The following TRIB2 variants were observed in gnomAD, a reference collection of about 807,000 sequenced individuals.
The protein encoded by TRIB2 is tribbles pseudokinase 2.
TRIB2 carries 2 observed loss-of-function variants against 26.8 expected under a neutral mutation model. That is an observed-to-expected ratio of 0.07 (90% CI 0.03 to 0.24). The LOEUF (loss-of-function observed/expected upper bound fraction) is 0.24, where lower values mean the gene tolerates loss of function less well. Among genes scored for constraint, TRIB2 ranks in the 10% least tolerant of loss-of-function variants. The pLI is 1.00. For synonymous variants in TRIB2, 189 were observed against 187.3 expected (o/e 1.01, Z -0.08); for missense variants, 306 against 449.0 (o/e 0.68, Z 2.88).
At chr2:12,736,788 A>G (rs959042167) in intron 2 of TRIB2, among the ~76,000 whole-genome samples, 2 of 152,236 alleles carry the variant, frequency 1.3e-5, no homozygotes, top group African/African-American at 4.8e-5. Context: ...AAGTGAGGTG[A>G]TCATCCCAAA....
In TRIB2 at chr2:12,742,314, G is replaced by T. The variant is rs1267985081; in HGVS notation, c.*1520G>T. On this transcript the variant is annotated 3_prime_UTR_variant, in exon 3 of 3. Coordinates refer to ENST00000155926, the MANE Select transcript of TRIB2 (RefSeq NM_021643.4). ...CCTGTTTTTGGGTAGGTGACACGTGGACTCTAGTATGTAAATGTTACTTGA... is the reference window on the plus strand; with the variant it reads ...CCTGTTTTTGGGTAGGTGACACGTGTACTCTAGTATGTAAATGTTACTTGA... The T allele has an allele frequency of 1.3e-5, 2 of 152,602 alleles. No individual in the cohort carries two copies. Among genetic ancestry groups the T allele is most frequent in the Non-Finnish European group, 2.9e-5 (2 of 68,038 alleles). 9.5% of individuals were successfully genotyped at this position (152,602 alleles called of 1,614,324 possible).
chr2:12,730,648 G>A (rs1661433303), intron 2 of TRIB2, among the ~76,000 whole-genome samples: 1 of 152,112 alleles, frequency 6.6e-6, no homozygotes, highest in Admixed American at 6.6e-5. Context: ...TATACAATGG[G>A]CTTCATTTCT....
chr2:12,736,346 G>C (rs1474958188), intron 2 of TRIB2, among the ~76,000 whole-genome samples: 1 of 152,126 alleles, frequency 6.6e-6, no homozygotes, highest in Non-Finnish European at 1.5e-5. Context: ...ATGGTCGAGA[G>C]TCCCTTGCAC....
At position 12,732,202 on chromosome 2, in the gene TRIB2, A is replaced by G. The variant is rs759244628; in HGVS notation, c.564-8124A>G. 2.0e-5 allele frequency among the ~76,000 whole-genome samples: 3 copies of G among 152,078 alleles called. No individual in the cohort carries two copies. The highest frequency in any genetic ancestry group is 4.4e-5 in the Non-Finnish European group (3 of 68,024). On this transcript the variant is annotated intron_variant, in intron 2 of 2. Transcript: ENST00000155926. This position sits in a 1 kb window ranked among gnomAD's most constrained non-coding sequence, Gnocchi z 4.2. ...TCCCCTGTTCATCCAGGCACCATGGATGGGAGTCGGGCAGGAATGTGCACC... is the reference window on the plus strand; with the variant it reads ...TCCCCTGTTCATCCAGGCACCATGGGTGGGAGTCGGGCAGGAATGTGCACC...
chr2:12,739,992 G>A (rs1359934580), intron 2 of TRIB2, among the ~76,000 whole-genome samples: 2 of 152,164 alleles, frequency 1.3e-5, no homozygotes, highest in Non-Finnish European at 2.9e-5. Context: ...CTTTGAGAAA[G>A]CTAGTTAATC....
intron 2 of TRIB2, among the ~76,000 whole-genome samples, chr2:12,726,101 G>C (rs576304869): frequency 2.0e-5 from 3 of 152,326 alleles, no homozygotes; most frequent in African/African-American, 7.2e-5. Context: ...TGCTTTTCAG[G>C]AACATGACAA....
chr2:12,740,392 C>G lies in TRIB2; in HGVS notation c.630C>G (p.Ser210=). 1.2e-6 allele frequency: 2 copies of G among 1,614,136 alleles called. No individual in the cohort carries two copies. Among genetic ancestry groups the G allele is most frequent in the Non-Finnish European group, 1.7e-6 (2 of 1,180,024 alleles). Residue 210 remains serine (S), a synonymous_variant, in exon 3 of 3, where the codon TCC becomes TCG. Coordinates refer to ENST00000155926, the MANE Select transcript of TRIB2 (RefSeq NM_021643.4). This position sits in a 1 kb window ranked among gnomAD's most constrained non-coding sequence, Gnocchi z 5.8. Reference sequence around the variant, plus strand: ...TGCGGGGAGATGATGATTCCCTCTCCGACAAGCATGGCTGCCCGGCTTACG... The same window carrying G: ...TGCGGGGAGATGATGATTCCCTCTCGGACAAGCATGGCTGCCCGGCTTACG... The part of the protein sequence containing the change: ...YILRGDDDSL[S]DKHGCPAYVS...
chr2:12,734,299 T>A (rs1661523156), intron 2 of TRIB2, among the ~76,000 whole-genome samples: 1 of 152,158 alleles, frequency 6.6e-6, no homozygotes, highest in Admixed American at 6.5e-5. Flanking sequence ...ATGTTTATTC[T>A]TCTCGGACTG....
rs941190164 is a variant in TRIB2, at chr2:12,717,066, A to G, written c.-1242A>G. 8.3e-6 allele frequency: 2 copies of G among 240,794 alleles called. No individual in the cohort carries two copies. Among genetic ancestry groups the G allele is most frequent in the African/African-American group, 4.5e-5 (2 of 44,564 alleles). The allele number at this position is 240,794 out of a possible 1,614,324, so 14.9% of individuals were successfully genotyped here. On this transcript the variant is annotated 5_prime_UTR_variant, in exon 1 of 3. Coordinates refer to ENST00000155926, the MANE Select transcript of TRIB2 (RefSeq NM_021643.4). The surrounding 1 kb of genome is among the most constrained non-coding windows in gnomAD (Gnocchi z 4.8). Reference sequence around the variant, plus strand: ...GGATGCGGGCGTGCTGAGCGCGGGGATTGGCCTCGGGCACCGTCGGCCGTC... The same window carrying G: ...GGATGCGGGCGTGCTGAGCGCGGGGGTTGGCCTCGGGCACCGTCGGCCGTC...
chr2:12,740,323 C>A lies in TRIB2; in HGVS notation c.564-3C>A, dbSNP rs1661686623. ...GAGCTTATGTTTTCCTCCTTTCTTG[C>A]AGGACTCGGGTCAAGCTGGAAAGCC... On this transcript the variant is annotated splice_region_variant and splice_polypyrimidine_tract_variant and intron_variant, in intron 2 of 2. Transcript: ENST00000155926. This position sits in a 1 kb window ranked among gnomAD's most constrained non-coding sequence, Gnocchi z 5.8. 6.2e-7 allele frequency: 1 copy of A among 1,611,076 alleles called. No homozygotes were observed. The highest frequency in any genetic ancestry group is 2.2e-5 in the East Asian group (1 of 44,810).
chr2:12,740,831 T>A lies in TRIB2; in HGVS notation c.*37T>A. ...ACGGAGACTTAGCAGGTTCCAGGAG[T>A]GAGCGAGGGCAGCGGAAAGGAGTTC... On this transcript the variant is annotated 3_prime_UTR_variant, in exon 3 of 3. Transcript: ENST00000155926. The surrounding 1 kb of genome is among the most constrained non-coding windows in gnomAD (Gnocchi z 5.8). The A allele has an allele frequency of 6.3e-7, 1 of 1,577,876 alleles. No homozygotes were observed. The highest frequency in any genetic ancestry group is 1.1e-5 in the South Asian group (1 of 87,010).
At chr2:12,727,378 C>T (rs890069) in intron 2 of TRIB2, among the ~76,000 whole-genome samples, 98,492 of 152,084 alleles carry the variant, frequency 0.65, 32,035 homozygotes, top group East Asian at 0.82. Flanking sequence ...TTAAGTCGCT[C>T]GCCTGGGCAG....
intron 2 of TRIB2, chr2:12,724,639 C>T (rs1488861149): frequency 1.2e-6 from 2 of 1,612,576 alleles, no homozygotes; most frequent in African/African-American, 2.7e-5. Context: ...ATGCCTCTGC[C>T]CCTGGAGCCT....
chr2:12,736,618 C>G (rs920170630), intron 2 of TRIB2, among the ~76,000 whole-genome samples: 2 of 152,310 alleles, frequency 1.3e-5, no homozygotes, highest in South Asian at 2.1e-4. Context: ...AAGCTCACCC[C>G]CTGGGGTCGA....
In TRIB2 at chr2:12,718,863, C is replaced by T. The variant is rs1412368379; in HGVS notation, c.270+286C>T. Among the ~76,000 whole-genome samples the T allele has an allele frequency of 2.0e-5, 3 of 152,098 alleles. No homozygotes were observed. Among genetic ancestry groups the T allele is most frequent in the African/African-American group, 7.2e-5 (3 of 41,412 alleles). On this transcript the variant is annotated intron_variant, in intron 1 of 2. Coordinates refer to ENST00000155926, the MANE Select transcript of TRIB2 (RefSeq NM_021643.4). The surrounding 1 kb of genome is among the most constrained non-coding windows in gnomAD (Gnocchi z 4.0). ...ACGCGTGCACCGAAGGCTCCAGGAGCTCTCTGCGCGAGGCCGGGTCCCGCT... is the reference window on the plus strand; with the variant it reads ...ACGCGTGCACCGAAGGCTCCAGGAGTTCTCTGCGCGAGGCCGGGTCCCGCT...
Position 12,718,287 on chromosome 2 carries a change from T to G in TRIB2, c.-21T>G, listed in dbSNP as rs527253721. ...TCTCCAGCGGGTTTTTTTTTGTTTG[T>G]CGTGTGCGATCCTCACACTCATGAA... is the stretch of plus-strand genomic sequence containing the variant. On this transcript the variant is annotated 5_prime_UTR_variant, in exon 1 of 3. Transcript: ENST00000155926. The surrounding 1 kb of genome is among the most constrained non-coding windows in gnomAD (Gnocchi z 4.0). 3 of 1,599,586 alleles carry G rather than the reference T, an allele frequency of 1.9e-6. No individual in the cohort carries two copies. In the African/African-American group the frequency reaches 4.0e-5, roughly 21 times the overall value.
Position 12,740,943 on chromosome 2 carries a change from G to T in TRIB2, c.*149G>T. 1 of 747,566 alleles carries T rather than the reference G, an allele frequency of 1.3e-6. No homozygotes were observed. Among genetic ancestry groups the T allele is most frequent in the Non-Finnish European group, 2.1e-6 (1 of 469,958 alleles). 46.3% of individuals were successfully genotyped at this position (747,566 alleles called of 1,614,324 possible). ...TTCAGAGCAGGAAAACCTTCAAGGA[G>T]CTGACTGACCACGTAGCATGGGGGC... On this transcript the variant is annotated 3_prime_UTR_variant, in exon 3 of 3. Coordinates refer to ENST00000155926, the MANE Select transcript of TRIB2 (RefSeq NM_021643.4). This position sits in a 1 kb window ranked among gnomAD's most constrained non-coding sequence, Gnocchi z 5.8.
chr2:12,719,216 C>T (rs1037952574), intron 1 of TRIB2, among the ~76,000 whole-genome samples: 1 of 152,134 alleles, frequency 6.6e-6, no homozygotes, highest in Non-Finnish European at 1.5e-5. Context: ...TCTCTCTGGT[C>T]TTGGTCTCTC....
intron 2 of TRIB2, among the ~76,000 whole-genome samples, chr2:12,739,751 ACT>A (rs974700150): frequency 2.0e-5 from 3 of 152,030 alleles, no homozygotes; most frequent in African/African-American, 7.3e-5. Flanking sequence ...AGTTACCCGA[ACT>A]CTCTGAGTCT....
Sources: gnomAD v4.1 joint callset for allele counts (sites outside exome capture counted in the v4.1 genomes callset) on GRCh38, gnomAD v4.1.1 for gene constraint, Gnocchi (gnomAD v3.1) non-coding constraint, MANE v1.5 for transcripts, NCBI Gene and HGNC (gene_info 2026-07-23, HGNC 2026-07-21) for gene names.